Variants in SPAG9 observed in about 807,000 individuals in gnomAD.
SPAG9 encodes the protein sperm associated antigen 9, also known as C-Jun-amino-terminal kinase-interacting protein 4.
Under a neutral mutation model 166.5 loss-of-function variants are expected in SPAG9, and 35 were observed. The observed-to-expected ratio is 0.21, with a 90% CI of 0.16 to 0.28. The LOEUF is 0.28. SPAG9 is among the 10% of genes least tolerant of loss of function. The pLI, the probability that SPAG9 is intolerant of heterozygous loss-of-function variation, is 1.00. For synonymous variants in SPAG9, 534 were observed against 565.5 expected, an observed-to-expected ratio of 0.94 and a Z score of 0.79; for missense variants, 1,235 against 1,603.3, an observed-to-expected ratio of 0.77 and a Z score of 3.92.
chr17:51,114,282 G>A (rs2049215843), intron 1 of SPAG9, among the ~76,000 whole-genome samples: 3 of 151,562 alleles, frequency 2.0e-5, no homozygotes, highest in African/African-American at 4.8e-5. Flanking sequence ...ATCTGAGATC[G>A]CACCACTGCA....
chr17:51,070,031 T>C (rs1598122727), intron 2 of SPAG9, among the ~76,000 whole-genome samples: 1 of 150,066 alleles, frequency 6.7e-6, no homozygotes, highest in Admixed American at 6.7e-5. Context: ...AGGGCTGAGG[T>C]GGGAGGATCA....
In SPAG9 at chr17:51,091,815, TA is replaced by T. The variant is rs572412313; in HGVS notation, c.304-12112del. On this transcript the variant is annotated intron_variant, in intron 1 of 29. Transcript: ENST00000262013. ...TCTCCTGGGAGCAACTAGACACCGT[TA>T]AAAAAAAAAAAATCAGTGGACAATA... Among the ~76,000 whole-genome samples the T allele has an allele frequency of 2.6e-3, 377 of 143,068 alleles. 2 individuals carry two copies. The highest frequency in any genetic ancestry group is 2.4e-3 in the African/African-American group (93 of 39,088). The allele number at this position is 143,068 out of a possible 152,430, so 93.9% of individuals were successfully genotyped here.
chr17:50,998,373 A>T (rs2044771795), intron 15 of SPAG9, 71 bp downstream of exon 15: 1 of 1,388,082 alleles, frequency 7.2e-7, no homozygotes, highest in Non-Finnish European at 1.0e-6. Context: ...CTTAGAGCTG[A>T]TAAGAGGCCA....
chr17:51,045,939 G>A (rs2047002965), intron 4 of SPAG9, among the ~76,000 whole-genome samples: 1 of 152,142 alleles, frequency 6.6e-6, no homozygotes, highest in Non-Finnish European at 1.5e-5. Flanking sequence ...TGGGGAAAAA[G>A]GCATTCCTTA....
In SPAG9 at chr17:51,041,655, T is replaced by C. The variant is rs1225341159; in HGVS notation, c.591-4A>G. ...TAATGATATAGGGCGTTCTTTTCTA[T>C]TTGAAGAGGGGAGAAAAAATTCGGC... On this transcript the variant is annotated splice_region_variant and splice_polypyrimidine_tract_variant and intron_variant, in intron 4 of 29. Transcript: ENST00000262013. The C allele has an allele frequency of 6.2e-7, 1 of 1,609,522 alleles. No homozygotes were observed. Among genetic ancestry groups the C allele is most frequent in the East Asian group, 2.2e-5 (1 of 44,824 alleles).
At chr17:50,991,511 TAATA>T (rs1261619459) in intron 19 of SPAG9, among the ~76,000 whole-genome samples, 1 of 152,160 alleles carries the variant, frequency 6.6e-6, no homozygotes, top group South Asian at 2.1e-4. Flanking sequence ...GCAGTAAAAA[TAATA>T]TATATATAAA....
intron 1 of SPAG9, among the ~76,000 whole-genome samples, chr17:51,090,888 T>C (rs1010478321): frequency 4.6e-5 from 7 of 152,166 alleles, no homozygotes; most frequent in Non-Finnish European, 1.0e-4. Context: ...AAACTCTGAA[T>C]ATGAAATGAA....
chr17:51,054,505 C>T (rs968617164), intron 3 of SPAG9, among the ~76,000 whole-genome samples: 1 of 151,098 alleles, frequency 6.6e-6, no homozygotes, highest in Non-Finnish European at 1.5e-5. Flanking sequence ...GGCGTGATCT[C>T]GGCTCACTGC....
intron 5 of SPAG9, among the ~76,000 whole-genome samples, chr17:51,034,243 G>A (rs1237860654): frequency 3.3e-5 from 5 of 151,914 alleles, no homozygotes; most frequent in Non-Finnish European, 5.9e-5. Context: ...TACCCTAGTA[G>A]GCACACTAAT....
chr17:51,077,033 T>TATCTAGCTAGCTATCTAG (rs1568065402), intron 2 of SPAG9, among the ~76,000 whole-genome samples: 32 of 94,420 alleles, frequency 3.4e-4, no homozygotes, highest in African/African-American at 1.0e-3. Flanking sequence ...TAGCTATCTA[T>TATCTAGCTAGCTATCTAG]CTAGCTATCT....
At chr17:51,045,181 C>T (rs756963983) in intron 4 of SPAG9, among the ~76,000 whole-genome samples, 20 of 152,132 alleles carry the variant, frequency 1.3e-4, no homozygotes, top group Non-Finnish European at 2.8e-4. Context: ...AGTTCAATTC[C>T]AAAGCCTTGT....
At chr17:51,109,769 T>A (rs1308168538) in intron 1 of SPAG9, among the ~76,000 whole-genome samples, 1 of 152,166 alleles carries the variant, frequency 6.6e-6, no homozygotes, top group Admixed American at 6.6e-5. Flanking sequence ...TGGAGCACAG[T>A]GGCATGAACA....
intron 6 of SPAG9, among the ~76,000 whole-genome samples, chr17:51,029,941 A>G (rs1483829330): frequency 6.6e-6 from 1 of 152,216 alleles, no homozygotes; most frequent in Non-Finnish European, 1.5e-5. Context: ...CTCCCTGTGG[A>G]GACCACATCA....
chr17:51,031,570 T>C, intron 6 of SPAG9, 111 bp downstream of exon 6: 2 of 805,844 alleles, frequency 2.5e-6, no homozygotes, highest in East Asian at 2.7e-5. Flanking sequence ...ATTACAACAA[T>C]AGTCTTCCAA....
intron 15 of SPAG9, among the ~76,000 whole-genome samples, chr17:50,998,022 A>ATTTTTT (rs563896612): frequency 2.2e-5 from 2 of 90,804 alleles, no homozygotes; most frequent in Admixed American, 1.2e-4. Context: ...TACAGAAATG[A>ATTTTTT]TTTTTTTTTT....
intron 1 of SPAG9, among the ~76,000 whole-genome samples, chr17:51,109,395 C>T (rs924374120): frequency 2.0e-5 from 3 of 151,628 alleles, no homozygotes; most frequent in African/African-American, 7.3e-5. Context: ...CACCACCATG[C>T]CCAGCTAATT....
intron 1 of SPAG9, among the ~76,000 whole-genome samples, chr17:51,108,340 T>C (rs974767409): frequency 3.4e-5 from 5 of 147,870 alleles, no homozygotes; most frequent in African/African-American, 1.3e-4. Flanking sequence ...TGAGATGAAA[T>C]TGCACCACTA....
intron 21 of SPAG9, among the ~76,000 whole-genome samples, chr17:50,988,489 A>G (rs1975252729): frequency 6.6e-6 from 1 of 152,236 alleles, no homozygotes. Context: ...AAATAAAATA[A>G]TTCACTAAAT....
chr17:51,114,689 C>T (rs904596272), intron 1 of SPAG9, among the ~76,000 whole-genome samples: 1 of 151,934 alleles, frequency 6.6e-6, no homozygotes, highest in East Asian at 1.9e-4. Flanking sequence ...TGGTGGCTCA[C>T]GCCTGTAATC....
Sources: gnomAD v4.1 joint callset for allele counts (sites outside exome capture counted in the v4.1 genomes callset) on GRCh38, gnomAD v4.1.1 for gene constraint, MANE v1.5 for transcripts, NCBI Gene and HGNC (gene_info 2026-07-23, HGNC 2026-07-21) for gene names.